SNTG1: variants seen among roughly 807,000 people sequenced by gnomAD.
SNTG1 encodes syntrophin gamma 1, also known as gamma-1-syntrophin.
In SNTG1, 39 loss-of-function variants were observed where a neutral mutation model predicts 74.7. The ratio of observed to expected loss-of-function variants is 0.52; its 90% CI spans 0.40 to 0.68. SNTG1 has a LOEUF of 0.68. SNTG1 is among the 30% of genes least tolerant of loss of function. SNTG1 has a pLI of 0.00. For missense variants in SNTG1, 685 were observed against 609.5 expected (o/e 1.12, Z -1.30); for synonymous variants, 254 against 217.1 (o/e 1.17, Z -1.49).
chr8:50,032,597 C>T (rs916130712), intron 1 of SNTG1, among the ~76,000 whole-genome samples: 7 of 152,234 alleles, frequency 4.6e-5, no homozygotes, highest in African/African-American at 1.7e-4. Context: ...TCTCCAGTAA[C>T]CAATGTTCCA....
intron 17 of SNTG1, among the ~76,000 whole-genome samples, chr8:50,728,090 C>G (rs2095504438): frequency 6.6e-6 from 1 of 152,102 alleles, no homozygotes; most frequent in Admixed American, 6.5e-5. Flanking sequence ...TGCAACCTGT[C>G]CTAAATCCAC....
chr8:49,977,806 C>G (rs930676005), intron 1 of SNTG1, among the ~76,000 whole-genome samples: 1 of 152,210 alleles, frequency 6.6e-6, no homozygotes, highest in African/African-American at 2.4e-5. Flanking sequence ...ATAGCAAGAG[C>G]TGATCAAAGA....
intron 1 of SNTG1, among the ~76,000 whole-genome samples, chr8:50,088,895 G>C (rs1191820250): frequency 6.7e-6 from 1 of 149,250 alleles, no homozygotes; most frequent in Admixed American, 6.8e-5. Flanking sequence ...CACAGAATTG[G>C]AAAAAACTAC....
At chr8:50,407,435 A>T (rs969944570) in intron 4 of SNTG1, among the ~76,000 whole-genome samples, 1 of 152,168 alleles carries the variant, frequency 6.6e-6, no homozygotes, top group African/African-American at 2.4e-5. Flanking sequence ...CAGGCAGTTT[A>T]CTCATGAGGG....
At chr8:50,638,651 T>C (rs2095053983) in intron 13 of SNTG1, among the ~76,000 whole-genome samples, 1 of 152,110 alleles carries the variant, frequency 6.6e-6, no homozygotes, top group South Asian at 2.1e-4. Context: ...TTTTAAGGTA[T>C]TCTTGAGAGT....
At chr8:50,640,146 A>G (rs2095063277) in intron 13 of SNTG1, among the ~76,000 whole-genome samples, 1 of 152,176 alleles carries the variant, frequency 6.6e-6, no homozygotes, top group African/African-American at 2.4e-5. Context: ...TGTCTGAGGA[A>G]TATGGTTACA....
At chr8:50,130,875 T>C (rs1411455766) in intron 1 of SNTG1, among the ~76,000 whole-genome samples, 5 of 152,030 alleles carry the variant, frequency 3.3e-5, no homozygotes, top group Admixed American at 2.0e-4. Flanking sequence ...TCATTTAGGA[T>C]GGGAAATAAT....
intron 17 of SNTG1, 135 bp from the exon 18 acceptor site, chr8:50,751,866 A>C: frequency 2.2e-6 from 1 of 457,008 alleles, no homozygotes; most frequent in Non-Finnish European, 3.9e-6. Context: ...AATATTTTTA[A>C]ATTTCATTTT....
intron 18 of SNTG1, among the ~76,000 whole-genome samples, chr8:50,783,467 C>G (rs540103352): frequency 6.6e-6 from 1 of 152,308 alleles, no homozygotes; most frequent in South Asian, 2.1e-4. Context: ...TGCTAGCAAT[C>G]AGGGAGACTC....
At chr8:50,028,737 T>TAA (rs767441714) in intron 1 of SNTG1, among the ~76,000 whole-genome samples, 1 of 151,082 alleles carries the variant, frequency 6.6e-6, no homozygotes, top group Non-Finnish European at 1.5e-5. Flanking sequence ...ACTTAAAGTA[T>TAA]AAAAAAAAAG....
At chr8:50,266,688 A>ATAT (rs1429993590) in intron 2 of SNTG1, among the ~76,000 whole-genome samples, 1 of 127,732 alleles carries the variant, frequency 7.8e-6, no homozygotes, top group Non-Finnish European at 1.7e-5. Context: ...GTGTGTGTAT[A>ATAT]TATATATATA....
chr8:50,748,270 T>G (rs1243064379), intron 17 of SNTG1, among the ~76,000 whole-genome samples: 1 of 152,028 alleles, frequency 6.6e-6, no homozygotes, highest in African/African-American at 2.4e-5. Context: ...ATTGGAACCT[T>G]TACCAATCTC....
At chr8:50,754,541 A>G (rs1260599784) in intron 18 of SNTG1, among the ~76,000 whole-genome samples, 1 of 151,822 alleles carries the variant, frequency 6.6e-6, no homozygotes, top group Non-Finnish European at 1.5e-5. Flanking sequence ...ATGTTCTGAC[A>G]ATATTGTTAG....
chr8:50,184,162 T>A (rs189757862), intron 2 of SNTG1, among the ~76,000 whole-genome samples: 2,201 of 152,188 alleles, frequency 0.014, 21 homozygotes, highest in South Asian at 0.03. Flanking sequence ...TTACATCTTT[T>A]TTATTATTAT....
intron 1 of SNTG1, among the ~76,000 whole-genome samples, chr8:49,953,270 A>G (rs10504093): frequency 0.1 from 15,143 of 152,184 alleles, 1,071 homozygotes; most frequent in South Asian, 0.2. Context: ...CCTCTTGTCC[A>G]TAGATAGAGT....
intron 1 of SNTG1, among the ~76,000 whole-genome samples, chr8:49,943,013 C>T (rs1259833277): frequency 1.3e-5 from 2 of 152,222 alleles, no homozygotes; most frequent in Non-Finnish European, 2.9e-5. Flanking sequence ...GCCTCCTCTC[C>T]ACCATTTGAT....
intron 1 of SNTG1, among the ~76,000 whole-genome samples, chr8:50,070,859 T>C (rs1821304349): frequency 6.6e-6 from 1 of 152,196 alleles, no homozygotes; most frequent in South Asian, 2.1e-4. Context: ...GTCCAGTTAG[T>C]ATTCTCACTT....
chr8:50,690,610 A>G (rs2095373608), intron 15 of SNTG1, among the ~76,000 whole-genome samples: 1 of 152,152 alleles, frequency 6.6e-6, no homozygotes, highest in Non-Finnish European at 1.5e-5. Context: ...GTGGTCTGAG[A>G]GACAGTTTGT....
intron 17 of SNTG1, among the ~76,000 whole-genome samples, chr8:50,746,264 T>A (rs1477277451): frequency 6.6e-6 from 1 of 151,994 alleles, no homozygotes; most frequent in Non-Finnish European, 1.5e-5. Context: ...CATAGATCTA[T>A]GTTGAAATAA....
Sources: gnomAD v4.1 joint callset for allele counts (sites outside exome capture counted in the v4.1 genomes callset) on GRCh38, gnomAD v4.1.1 for gene constraint, MANE v1.5 for transcripts, NCBI Gene and HGNC (gene_info 2026-07-23, HGNC 2026-07-21) for gene names.